The following CILK1 variants were observed in gnomAD, a reference collection of about 807,000 sequenced individuals.
The protein encoded by CILK1 is serine/threonine-protein kinase ICK.
In CILK1, 47 loss-of-function variants were observed where a neutral mutation model predicts 79.2. That is an observed-to-expected ratio of 0.59 (90% CI 0.47 to 0.76). The LOEUF (loss-of-function observed/expected upper bound fraction) is 0.76. Ranked by LOEUF, CILK1 falls within the 30% of genes least tolerant of loss-of-function variation. The pLI, the probability that CILK1 is intolerant of heterozygous loss-of-function variation, is 0.00. For synonymous variants in CILK1, 266 were observed against 275.9 expected, an observed-to-expected ratio of 0.96 and a Z score of 0.36; for missense variants, 660 against 769.5, an observed-to-expected ratio of 0.86 and a Z score of 1.68.
At chr6:53,011,530 T>C (rs1356741113) in intron 11 of CILK1, among the ~76,000 whole-genome samples, 2 of 151,708 alleles carry the variant, frequency 1.3e-5, no homozygotes, top group African/African-American at 4.8e-5. Flanking sequence ...ACCCAGGAGG[T>C]GGAGGCTACA....
intron 11 of CILK1, among the ~76,000 whole-genome samples, chr6:53,011,041 TG>T (rs1764539117): frequency 6.6e-6 from 1 of 152,224 alleles, no homozygotes; most frequent in Admixed American, 6.5e-5. Flanking sequence ...TCACTAATGC[TG>T]TAAGTTTGGA....
chr6:53,001,451 G>A lies in CILK1; in HGVS notation c.*3698C>T, dbSNP rs751868902. 1.3e-4 allele frequency: 20 copies of A among 152,350 alleles called. No individual in the cohort carries two copies. Among genetic ancestry groups the A allele is most frequent in the Admixed American group, 1.0e-3 (16 of 15,286 alleles). The allele number at this position is 152,350 out of a possible 1,614,324, so 9.4% of individuals were successfully genotyped here. On this transcript the variant is annotated 3_prime_UTR_variant, in exon 14 of 14. Transcript: ENST00000676107. ...TTAAGTGGTTTTCTGAATTCTTCTC[G>A]TTATTATGAATATGTGCTTTATAAA...
chr6:53,058,267 C>T (rs1381746805), intron 1 of CILK1, among the ~76,000 whole-genome samples: 6 of 152,150 alleles, frequency 3.9e-5, no homozygotes, highest in Non-Finnish European at 8.8e-5. Context: ...CCCATATCAA[C>T]CTTGGTTACC....
chr6:53,046,698 A>C (rs1456556049), intron 1 of CILK1, among the ~76,000 whole-genome samples: 5 of 152,242 alleles, frequency 3.3e-5, no homozygotes, highest in African/African-American at 4.8e-5. Flanking sequence ...GTATAATTTT[A>C]ATTAAACTTT....
chr6:53,016,602 T>G (rs1342097899), intron 7 of CILK1, among the ~76,000 whole-genome samples: 1 of 152,240 alleles, frequency 6.6e-6, no homozygotes, highest in African/African-American at 2.4e-5. Context: ...TGAGATATTC[T>G]TTTGGGGAAA....
At chr6:53,035,942 G>A (rs549995624) in intron 3 of CILK1, among the ~76,000 whole-genome samples, 1 of 152,008 alleles carries the variant, frequency 6.6e-6, no homozygotes, top group South Asian at 2.1e-4. Context: ...AAGTCTGTGT[G>A]AGGCCCAACA....
chr6:53,017,893 G>A (rs1267235048), intron 7 of CILK1, among the ~76,000 whole-genome samples: 3 of 152,198 alleles, frequency 2.0e-5, no homozygotes, highest in African/African-American at 7.2e-5. Flanking sequence ...ATGAAAGAAG[G>A]AAGCTAGTAG....
chr6:53,030,143 G>A (rs771159087), intron 5 of CILK1, among the ~76,000 whole-genome samples: 2 of 152,214 alleles, frequency 1.3e-5, no homozygotes, highest in Non-Finnish European at 2.9e-5. Flanking sequence ...AGAATGGTAT[G>A]TGGTCATCGT....
At chr6:53,013,570 T>G (rs1581953761) in intron 9 of CILK1, 92 bp downstream of exon 9, 1 of 1,226,758 alleles carries the variant, frequency 8.2e-7, no homozygotes, top group East Asian at 2.3e-5. Flanking sequence ...AACTGGACCC[T>G]GTATACTGAA....
At chr6:53,043,916 G>A (rs1766884505) in intron 1 of CILK1, among the ~76,000 whole-genome samples, 1 of 151,998 alleles carries the variant, frequency 6.6e-6, no homozygotes, top group Non-Finnish European at 1.5e-5. Context: ...ATAAAAGATT[G>A]TCTTAAAAAA....
chr6:53,016,014 T>C (rs1562010050), intron 8 of CILK1, 69 bp downstream of exon 8: 4 of 1,456,018 alleles, frequency 2.7e-6, no homozygotes, highest in Non-Finnish European at 3.9e-6. Flanking sequence ...TACTAAATAT[T>C]TCCTGTGCAA....
At chr6:53,043,384 C>T (rs75994991) in intron 1 of CILK1, among the ~76,000 whole-genome samples, 18 of 151,792 alleles carry the variant, frequency 1.2e-4, no homozygotes, top group Admixed American at 1.1e-3. Context: ...TCCTGAAAGC[C>T]GTGTGTGAGC....
intron 12 of CILK1, among the ~76,000 whole-genome samples, chr6:53,009,189 T>C (rs1764412310): frequency 6.6e-6 from 1 of 152,186 alleles, no homozygotes; most frequent in South Asian, 2.1e-4. Flanking sequence ...TTTTTGTTTT[T>C]CCCTTGAGCC....
At position 53,004,751 on chromosome 6, in the gene CILK1, C is replaced by T. The variant is rs1001391463; in HGVS notation, c.*398G>A. The T allele has an allele frequency of 5.0e-6, 1 of 201,666 alleles. No homozygotes were observed. The highest frequency in any genetic ancestry group is 2.4e-5 in the African/African-American group (1 of 42,160). 12.5% of individuals were successfully genotyped at this position (201,666 alleles called of 1,614,324 possible). A position where few individuals can be genotyped will look rare whatever the true frequency, so the allele number is the denominator to read the frequency against. ...ATAGCCTTAAATTGCACCCCTGTTG[C>T]AATACTGCATTAATATTATTACATT... On this transcript the variant is annotated 3_prime_UTR_variant, in exon 14 of 14. Coordinates refer to ENST00000676107, the MANE Select transcript of CILK1 (RefSeq NM_014920.5).
At chr6:53,033,310 G>A (rs951493408) in intron 3 of CILK1, among the ~76,000 whole-genome samples, 2 of 152,152 alleles carry the variant, frequency 1.3e-5, no homozygotes, top group African/African-American at 4.8e-5. Flanking sequence ...ATGAGAGGGT[G>A]GCTCAGAAAA....
intron 1 of CILK1, among the ~76,000 whole-genome samples, chr6:53,058,588 A>G (rs963261461): frequency 1.3e-5 from 2 of 152,142 alleles, no homozygotes; most frequent in East Asian, 1.9e-4. Context: ...ATTCAACCAC[A>G]TCAACCATAA....
At chr6:53,021,614 G>A (rs1765249972) in intron 5 of CILK1, among the ~76,000 whole-genome samples, 1 of 152,030 alleles carries the variant, frequency 6.6e-6, no homozygotes, top group Non-Finnish European at 1.5e-5. Context: ...CTCCAATCAG[G>A]TGCAACTCCT....
At chr6:53,054,962 T>C (rs1767747663) in intron 1 of CILK1, among the ~76,000 whole-genome samples, 1 of 152,232 alleles carries the variant, frequency 6.6e-6, no homozygotes, top group Non-Finnish European at 1.5e-5. Context: ...ATTCTTTATT[T>C]TGAAACCTTA....
At chr6:53,047,360 G>T (rs115488082) in intron 1 of CILK1, among the ~76,000 whole-genome samples, 8,892 of 151,808 alleles carry the variant, frequency 0.059, 856 homozygotes, top group African/African-American at 0.2. Context: ...CTGGAGTACA[G>T]TGGTGAAAAT....
Sources: allele counts gnomAD v4.1 joint callset (sites outside exome capture counted in the v4.1 genomes callset), GRCh38; gene constraint gnomAD v4.1.1; transcripts MANE v1.5; gene names NCBI Gene and HGNC (gene_info 2026-07-23, HGNC 2026-07-21).